RIPOR3: variants seen among roughly 807,000 people sequenced by gnomAD.
RIPOR3 encodes the protein RIPOR family member 3.
Under a neutral mutation model 114.3 loss-of-function variants are expected in RIPOR3, and 95 were observed. The ratio of observed to expected loss-of-function variants is 0.83; its 90% confidence interval spans 0.70 to 0.99. The LOEUF is 0.99. RIPOR3 is among the 50% of genes least tolerant of loss of function. RIPOR3 has a pLI of 0.00. For synonymous variants in RIPOR3, 575 were observed against 543.8 expected (o/e 1.06, Z -0.80); for missense variants, 1,252 against 1,266.9 (o/e 0.99, Z 0.18).
intron 1 of RIPOR3, among the ~76,000 whole-genome samples, chr20:50,672,522 A>G (rs1346686440): frequency 2.0e-5 from 3 of 152,112 alleles, no homozygotes; most frequent in Non-Finnish European, 1.5e-5. Context: ...GAGACAAACC[A>G]ACCAACAGCC....
intron 17 of RIPOR3, among the ~76,000 whole-genome samples, 190 bp downstream of exon 17, chr20:50,594,363 G>C (rs1298138949): frequency 6.6e-6 from 1 of 152,106 alleles, no homozygotes; most frequent in African/African-American, 2.4e-5. Context: ...GCCCCACGTG[G>C]AGGCCCCTTC....
intron 1 of RIPOR3, among the ~76,000 whole-genome samples, chr20:50,650,667 G>A (rs1377250793): frequency 6.6e-6 from 1 of 152,130 alleles, no homozygotes; most frequent in Non-Finnish European, 1.5e-5. Context: ...CAGGATTACA[G>A]ATGTATAATC....
chr20:50,601,530 A>G (rs909478442), intron 13 of RIPOR3, among the ~76,000 whole-genome samples: 3 of 152,216 alleles, frequency 2.0e-5, no homozygotes, highest in Admixed American at 6.5e-5. Flanking sequence ...AGTGGTATAC[A>G]TTTTTTTGAT....
At chr20:50,601,230 T>C (rs1224252338) in intron 13 of RIPOR3, among the ~76,000 whole-genome samples, 2 of 152,114 alleles carry the variant, frequency 1.3e-5, no homozygotes, top group Admixed American at 6.5e-5. Context: ...GGTCAGGAGT[T>C]TGAGACCAGC....
intron 2 of RIPOR3, among the ~76,000 whole-genome samples, chr20:50,625,111 C>T (rs2084571191): frequency 1.3e-5 from 2 of 151,568 alleles, no homozygotes; most frequent in African/African-American, 4.9e-5. Context: ...TGCTCTGTCT[C>T]CCAGGCTGGA....
At position 50,589,769 on chromosome 20, in the gene RIPOR3, C is replaced by A. The variant is rs558119832; in HGVS notation, c.2578G>T (p.Ala860Ser). The change falls in exon 20 of 22, where the codon GCT becomes TCT. Residue 860 changes from alanine (A) to serine (S), a missense_variant and splice_region_variant. By Grantham distance (99) the Ala-to-Ser change is moderately conservative. Coordinates refer to ENST00000327979, the MANE Select transcript of RIPOR3 (RefSeq NM_001290268.2). Reference sequence around the variant, plus strand: ...AGGGCGTTGGTGTAGAACAGCAAAGCCTGGGGAGAGTAAGGAGGCTGTGAA... The same window carrying A: ...AGGGCGTTGGTGTAGAACAGCAAAGACTGGGGAGAGTAAGGAGGCTGTGAA... ...AVRNRSFREK[A>S]LLFYTNALAE... 1.2e-6 allele frequency: 2 copies of A among 1,612,736 alleles called. No homozygotes were observed. Among genetic ancestry groups the A allele is most frequent in the African/African-American group, 1.3e-5 (1 of 74,970 alleles).
In RIPOR3 at chr20:50,608,689, T is replaced by C; in HGVS notation, c.734A>G (p.Glu245Gly). ...RQRWKLKGRI[E>G]SDDSQTWDEE... ...GTCCCAGGTCTGGCTGTCATCTGACTCGATCCGACCCTTGAGCTTCCAACG... is the reference window on the plus strand; with the variant it reads ...GTCCCAGGTCTGGCTGTCATCTGACCCGATCCGACCCTTGAGCTTCCAACG... The change falls in exon 10 of 22, where the codon GAG becomes GGG. Residue 245 changes from glutamate to glycine, a missense_variant. Transcript: ENST00000327979. 1 of 1,614,046 alleles carries C rather than the reference T, an allele frequency of 6.2e-7. No homozygotes were observed. Among genetic ancestry groups the C allele is most frequent in the Non-Finnish European group, 8.5e-7 (1 of 1,179,932 alleles).
chr20:50,604,515 A>T, intron 12 of RIPOR3, 130 bp downstream of exon 12: 2 of 1,329,876 alleles, frequency 1.5e-6, no homozygotes. Flanking sequence ...AACACCCAGG[A>T]TCGCCTCAAA....
At chr20:50,601,302 T>C (rs1215061070) in intron 13 of RIPOR3, among the ~76,000 whole-genome samples, 5 of 152,028 alleles carry the variant, frequency 3.3e-5, no homozygotes, top group Non-Finnish European at 4.4e-5. Flanking sequence ...GGCGTGGTGG[T>C]GTGCACCTGT....
chr20:50,610,724 C>T lies in RIPOR3; in HGVS notation c.426+129G>A, dbSNP rs1299422908. The stretch of plus-strand genomic sequence containing the variant: ...GCCCCTGCTCATCCTTAGCCTCCTG[C>T]AGCTGCCCCATACCCAGAGGCCCTG... On this transcript the variant is annotated intron_variant, in intron 6 of 21. Transcript: ENST00000327979. 12 of 1,241,832 alleles carry T rather than the reference C, an allele frequency of 9.7e-6. No individual in the cohort carries two copies. The African/African-American group carries it at 1.3e-4, about 14-fold the overall frequency. The allele number at this position is 1,241,832 out of a possible 1,614,324, so 76.9% of individuals were successfully genotyped here.
In RIPOR3 at chr20:50,650,809, G is replaced by A. The variant is rs995721429; in HGVS notation, c.4-19953C>T. Among the ~76,000 whole-genome samples, 5 of 152,182 alleles carry A rather than the reference G, an allele frequency of 3.3e-5. No individual in the cohort carries two copies. In the East Asian group the frequency reaches 9.7e-4, roughly 29 times the overall value. On this transcript the variant is annotated intron_variant, in intron 1 of 21. Transcript: ENST00000327979. ...TATTAAGATGATCCCAAAGACGCTC[G>A]ACTTCTCTAACCCGTAATACTCACA...
intron 1 of RIPOR3, among the ~76,000 whole-genome samples, chr20:50,640,908 CTTTTT>C (rs1331789312): frequency 7.4e-6 from 1 of 134,492 alleles, no homozygotes. Flanking sequence ...ATATGCACTT[CTTTTT>C]TTTTTTTTTT....
intron 1 of RIPOR3, chr20:50,645,945 A>G (rs1364682568): frequency 6.6e-6 from 1 of 152,266 alleles, no homozygotes; most frequent in African/African-American, 2.4e-5. Flanking sequence ...TTCTTTTGAC[A>G]GTGAAATATG....
At chr20:50,684,361 A>G (rs2086948944) in intron 1 of RIPOR3, among the ~76,000 whole-genome samples, 2 of 152,158 alleles carry the variant, frequency 1.3e-5, no homozygotes, top group Non-Finnish European at 2.9e-5. Flanking sequence ...GGCATAGAGA[A>G]AAGCGATTGC....
intron 11 of RIPOR3, among the ~76,000 whole-genome samples, chr20:50,608,133 C>G (rs1343695651): frequency 2.0e-5 from 3 of 152,188 alleles, no homozygotes; most frequent in African/African-American, 7.2e-5. Context: ...AAGTGTCCCC[C>G]CAACCTTCCC....
chr20:50,617,284 C>T (rs939046013), intron 3 of RIPOR3, among the ~76,000 whole-genome samples: 2 of 152,162 alleles, frequency 1.3e-5, no homozygotes, highest in African/African-American at 2.4e-5. Flanking sequence ...AAGATAGCTT[C>T]TGCCAGACTG....
intron 1 of RIPOR3, among the ~76,000 whole-genome samples, chr20:50,676,581 G>A (rs1401159519): frequency 6.6e-6 from 1 of 152,026 alleles, no homozygotes; most frequent in Non-Finnish European, 1.5e-5. Flanking sequence ...GAGCCCAGGA[G>A]GTCAAGGCTG....
chr20:50,668,762 C>T (rs1331194557), intron 1 of RIPOR3, among the ~76,000 whole-genome samples: 1 of 151,952 alleles, frequency 6.6e-6, no homozygotes, highest in African/African-American at 2.4e-5. Flanking sequence ...GAGGCTGAGG[C>T]GCGAGAATCA....
Position 50,595,352 on chromosome 20 carries a change from G to A in RIPOR3, c.2050+17C>T, listed in dbSNP as rs779214401. The A allele has an allele frequency of 1.9e-6, 3 of 1,608,886 alleles. No individual in the cohort carries two copies. The highest frequency in any genetic ancestry group is 2.6e-6 in the Non-Finnish European group (3 of 1,176,088). ...CCGCTCACATAGGCAGCCCCTGGGT[G>A]GCAGGCAGCTACTTACTCTCTTCAA... On this transcript the variant is annotated intron_variant, in intron 16 of 21. Coordinates refer to ENST00000327979, the MANE Select transcript of RIPOR3 (RefSeq NM_001290268.2).
Sources: gnomAD v4.1 joint callset for allele counts (sites outside exome capture counted in the v4.1 genomes callset) on GRCh38, gnomAD v4.1.1 for gene constraint, MANE v1.5 for transcripts, NCBI Gene and HGNC (gene_info 2026-07-23, HGNC 2026-07-21) for gene names.